The following ARHGEF28 variants were observed in gnomAD, a reference collection of about 807,000 sequenced individuals.
ARHGEF28 encodes the protein 190 kDa guanine nucleotide exchange factor.
In ARHGEF28, 152 loss-of-function variants were observed where a neutral mutation model predicts 206.6. The ratio of observed to expected loss-of-function variants is 0.74; its 90% CI spans 0.64 to 0.84. The LOEUF is 0.84. Ranked by LOEUF, ARHGEF28 falls within the 40% of genes least tolerant of loss-of-function variation. The probability of loss-of-function intolerance (pLI) is 0.00; values close to 1 mark genes in which losing one functional copy is unlikely to be tolerated. For synonymous variants in ARHGEF28, 763 were observed against 776.4 expected, an observed-to-expected ratio of 0.98 and a Z score of 0.29; for missense variants, 2,028 against 2,073.2, an observed-to-expected ratio of 0.98 and a Z score of 0.42.
At chr5:73,923,458 T>G (rs1379141639) in intron 35 of ARHGEF28, among the ~76,000 whole-genome samples, 1 of 152,112 alleles carries the variant, frequency 6.6e-6, no homozygotes, top group African/African-American at 2.4e-5. Flanking sequence ...TGGTAGAAGT[T>G]ATCGTTGGTC....
At chr5:73,635,927 T>A (rs894058089) in intron 1 of ARHGEF28, among the ~76,000 whole-genome samples, 3 of 152,190 alleles carry the variant, frequency 2.0e-5, no homozygotes, top group Non-Finnish European at 2.9e-5. Flanking sequence ...AATAGAAGTA[T>A]TTCTCTTAAG....
chr5:73,775,264 A>G (rs1753478752), intron 5 of ARHGEF28, among the ~76,000 whole-genome samples: 1 of 152,222 alleles, frequency 6.6e-6, no homozygotes, highest in African/African-American at 2.4e-5. Flanking sequence ...CGTGTTTTAA[A>G]TGTTTCCAGG....
chr5:73,796,551 G>A (rs772599825), intron 9 of ARHGEF28, among the ~76,000 whole-genome samples: 28 of 152,320 alleles, frequency 1.8e-4, no homozygotes, highest in African/African-American at 6.0e-4. Context: ...ACAACCATTC[G>A]GAAATCATGC....
chr5:73,887,820 G>A, intron 26 of ARHGEF28, 141 bp downstream of exon 26: 1 of 724,248 alleles, frequency 1.4e-6, no homozygotes. Flanking sequence ...ACTTGTGATT[G>A]CAGTGTTTAG....
chr5:73,632,778 T>C (rs558260109), intron 1 of ARHGEF28, among the ~76,000 whole-genome samples: 32 of 152,124 alleles, frequency 2.1e-4, no homozygotes, highest in Non-Finnish European at 4.1e-4. Flanking sequence ...GTATAGTTCT[T>C]CCAGATGCTA....
intron 27 of ARHGEF28, among the ~76,000 whole-genome samples, chr5:73,892,885 C>T (rs1404807922): frequency 6.6e-6 from 1 of 152,148 alleles, no homozygotes; most frequent in African/African-American, 2.4e-5. Flanking sequence ...TGCCCTGGCA[C>T]CCCACTTCTA....
At chr5:73,746,711 T>C (rs1000956094) in intron 2 of ARHGEF28, among the ~76,000 whole-genome samples, 1 of 152,154 alleles carries the variant, frequency 6.6e-6, no homozygotes, top group Non-Finnish European at 1.5e-5. Context: ...AAACTGTTTA[T>C]TGAATTGTCC....
Position 73,914,461 on chromosome 5 carries a change from A to G in ARHGEF28, c.4948+2886A>G, listed in dbSNP as rs570565185. On this transcript the variant is annotated intron_variant, in intron 35 of 35. Coordinates refer to ENST00000513042, the MANE Select transcript of ARHGEF28 (RefSeq NM_001177693.2). ...GCCCAGGCTGGAGTGCAGTGGTAAT[A>G]TCTTGGCTCACTGCAACCTCCACCT... Among the ~76,000 whole-genome samples, 66 of 131,898 alleles carry G rather than the reference A, an allele frequency of 5.0e-4. No homozygotes were observed. The Admixed American group carries it at 5.6e-3, about 11-fold the overall frequency. 86.5% of individuals were successfully genotyped at this position (131,898 alleles called of 152,430 possible).
chr5:73,689,910 G>A (rs1747708947), intron 2 of ARHGEF28, among the ~76,000 whole-genome samples: 1 of 152,144 alleles, frequency 6.6e-6, no homozygotes, highest in African/African-American at 2.4e-5. Flanking sequence ...CTAATGAGAA[G>A]TGCAAAAGCC....
intron 5 of ARHGEF28, 142 bp from the exon 6 acceptor site, chr5:73,776,374 A>G: frequency 1.6e-6 from 1 of 636,550 alleles, no homozygotes; most frequent in Non-Finnish European, 2.6e-6. Flanking sequence ...TTATGATCTT[A>G]TGTATTTATT....
chr5:73,776,549 A>C lies in ARHGEF28; in HGVS notation c.693A>C (p.Arg231=). ...FQGRWSPSFS[R]VQLSEEASLH... ...GCAGATGGTCCCCAAGCTTCTCCCG[A>C]GTGCAGCTCAGTGAAGAAGCCTCCT... is the stretch of plus-strand genomic sequence containing the variant. Residue 231 remains arginine, a synonymous_variant, in exon 6 of 36, where the codon CGA becomes CGC. Transcript: ENST00000513042. The C allele has an allele frequency of 6.2e-7, 1 of 1,612,974 alleles. No individual in the cohort carries two copies. The highest frequency in any genetic ancestry group is 1.1e-5 in the South Asian group (1 of 90,910).
chr5:73,725,739 C>T (rs1434587980), intron 2 of ARHGEF28, among the ~76,000 whole-genome samples: 1 of 152,092 alleles, frequency 6.6e-6, no homozygotes, highest in African/African-American at 2.4e-5. Flanking sequence ...TGGTGTAATT[C>T]ATTCACATGC....
intron 7 of ARHGEF28, among the ~76,000 whole-genome samples, chr5:73,786,799 A>G (rs770276605): frequency 6.6e-6 from 1 of 152,222 alleles, no homozygotes; most frequent in Non-Finnish European, 1.5e-5. Context: ...ATGTCTAATC[A>G]TGAGTGCAAG....
chr5:73,844,230 GAAATGCTGTCTGTA>G (rs1758160228), intron 11 of ARHGEF28, among the ~76,000 whole-genome samples: 1 of 152,214 alleles, frequency 6.6e-6, no homozygotes. Flanking sequence ...TAGTGATGAT[GAAATGCTGTCTGTA>G]ACTGGAAAGG....
chr5:73,912,080 A>G (rs1480200875), intron 35 of ARHGEF28, among the ~76,000 whole-genome samples: 1 of 152,200 alleles, frequency 6.6e-6, no homozygotes, highest in African/African-American at 2.4e-5. Context: ...GTAAAAAAAA[A>G]AAAAAGTGTT....
intron 10 of ARHGEF28, among the ~76,000 whole-genome samples, chr5:73,836,847 G>T (rs542748808): frequency 6.6e-6 from 1 of 152,236 alleles, no homozygotes; most frequent in Non-Finnish European, 1.5e-5. Flanking sequence ...TATGTGGTAA[G>T]ATAGGGATCC....
intron 1 of ARHGEF28, among the ~76,000 whole-genome samples, chr5:73,631,426 T>C (rs1240416131): frequency 6.6e-6 from 1 of 152,184 alleles, no homozygotes; most frequent in East Asian, 1.9e-4. Context: ...GGATATTCAG[T>C]GATTAATGAG....
intron 2 of ARHGEF28, among the ~76,000 whole-genome samples, chr5:73,700,344 A>G (rs1302829734): frequency 6.6e-6 from 1 of 152,216 alleles, no homozygotes; most frequent in East Asian, 1.9e-4. Flanking sequence ...AATACCTTCT[A>G]TATACACACT....
intron 10 of ARHGEF28, among the ~76,000 whole-genome samples, chr5:73,838,026 A>G (rs1757764034): frequency 6.6e-6 from 1 of 152,190 alleles, no homozygotes; most frequent in Non-Finnish European, 1.5e-5. Context: ...GGCATGAGCC[A>G]CTACACCCGG....
Sources: allele counts gnomAD v4.1 joint callset (sites outside exome capture counted in the v4.1 genomes callset), GRCh38; gene constraint gnomAD v4.1.1; transcripts MANE v1.5; gene names NCBI Gene and HGNC (gene_info 2026-07-23, HGNC 2026-07-21).